The following PLSCR4 variants were observed in gnomAD, a reference collection of about 807,000 sequenced individuals.
PLSCR4 encodes Ca(2+)-dependent phospholipid scramblase 4.
A neutral mutation model predicts 36.3 loss-of-function variants in PLSCR4; 25 were observed. The observed-to-expected ratio is 0.69, with a 90% CI of 0.50 to 0.96. The LOEUF is 0.96. PLSCR4 is among the 40% of genes least tolerant of loss of function. PLSCR4 has a pLI of 0.00. For synonymous variants in PLSCR4, 122 were observed against 132.9 expected, an observed-to-expected ratio of 0.92 and a Z score of 0.56; for missense variants, 408 against 414.7, an observed-to-expected ratio of 0.98 and a Z score of 0.14.
chr3:146,205,018 G>C (rs559224122), intron 4 of PLSCR4, among the ~76,000 whole-genome samples: 1 of 152,066 alleles, frequency 6.6e-6, no homozygotes, highest in South Asian at 2.1e-4. Flanking sequence ...TATACAAATA[G>C]TTTTCAGCAC....
intron 1 of PLSCR4, among the ~76,000 whole-genome samples, chr3:146,230,615 C>G (rs916464395): frequency 5.3e-5 from 8 of 151,858 alleles, no homozygotes; most frequent in Admixed American, 2.0e-4. Flanking sequence ...TGCTGTGTAA[C>G]AGAGAGAGCG....
At chr3:146,206,135 C>A (rs1448350730) in intron 4 of PLSCR4, among the ~76,000 whole-genome samples, 3 of 151,988 alleles carry the variant, frequency 2.0e-5, no homozygotes, top group Non-Finnish European at 4.4e-5. Flanking sequence ...TGGGCTAAGG[C>A]ACTCAGTAAT....
At chr3:146,220,263 C>G (rs1055741534) in intron 3 of PLSCR4, among the ~76,000 whole-genome samples, 5 of 152,150 alleles carry the variant, frequency 3.3e-5, no homozygotes, top group Non-Finnish European at 7.3e-5. Context: ...CAAGACATCA[C>G]CAGTAGTGCA....
At chr3:146,217,772 T>A (rs2034961533) in intron 3 of PLSCR4, among the ~76,000 whole-genome samples, 1 of 152,234 alleles carries the variant, frequency 6.6e-6, no homozygotes, top group Non-Finnish European at 1.5e-5. Flanking sequence ...GTTGGGCTGG[T>A]GATCATTGAG....
chr3:146,246,714 C>A (rs1319910136), intron 1 of PLSCR4, among the ~76,000 whole-genome samples: 1 of 152,044 alleles, frequency 6.6e-6, no homozygotes, highest in Non-Finnish European at 1.5e-5. Flanking sequence ...TACAGCTAGT[C>A]TTTTAGTATT....
intron 3 of PLSCR4, among the ~76,000 whole-genome samples, chr3:146,209,371 C>T (rs1394844966): frequency 6.6e-6 from 1 of 151,968 alleles, no homozygotes; most frequent in Non-Finnish European, 1.5e-5. Flanking sequence ...CACTAAAGAA[C>T]TTACTCATAT....
In PLSCR4 at chr3:146,194,216, G is replaced by A; in HGVS notation, c.*195C>T. On this transcript the variant is annotated 3_prime_UTR_variant, in exon 9 of 9. Transcript: ENST00000354952. ...TTCAGGATGAACTCCTATTCTACTA[G>A]AGAGATACTCAATTGAAACACACTT... 1 of 566,576 alleles carries A rather than the reference G, an allele frequency of 1.8e-6. No homozygotes were observed. The highest frequency in any genetic ancestry group is 1.9e-5 in the African/African-American group (1 of 53,078). The allele number at this position is 566,576 out of a possible 1,614,324, so 35.1% of individuals were successfully genotyped here.
intron 4 of PLSCR4, among the ~76,000 whole-genome samples, chr3:146,204,967 G>T (rs565685670): frequency 6.6e-6 from 1 of 151,914 alleles, no homozygotes; most frequent in East Asian, 1.9e-4. Context: ...AAATTTTCCT[G>T]ATCCAACTGT....
chr3:146,246,548 T>C (rs2036346232), intron 1 of PLSCR4, among the ~76,000 whole-genome samples: 1 of 151,538 alleles, frequency 6.6e-6, no homozygotes, highest in African/African-American at 2.4e-5. Context: ...TTAAAGAGAA[T>C]ATCAGGTGTC....
At chr3:146,236,525 G>A (rs1482227099) in intron 1 of PLSCR4, among the ~76,000 whole-genome samples, 1 of 152,078 alleles carries the variant, frequency 6.6e-6, no homozygotes, top group Non-Finnish European at 1.5e-5. Flanking sequence ...GTGGGGGCAG[G>A]TCTTTTCTGT....
At chr3:146,240,640 C>G (rs2036110982) in intron 1 of PLSCR4, among the ~76,000 whole-genome samples, 1 of 152,116 alleles carries the variant, frequency 6.6e-6, no homozygotes, top group South Asian at 2.1e-4. Flanking sequence ...AGATACTCTT[C>G]ACACCTAGTA....
At chr3:146,215,610 T>G (rs1378126484) in intron 3 of PLSCR4, among the ~76,000 whole-genome samples, 1 of 152,202 alleles carries the variant, frequency 6.6e-6, no homozygotes, top group East Asian at 1.9e-4. Context: ...CTGCTTTTCC[T>G]TGTAATGTGT....
chr3:146,217,067 C>T (rs58858656), intron 3 of PLSCR4, among the ~76,000 whole-genome samples: 93 of 152,204 alleles, frequency 6.1e-4, no homozygotes, highest in African/African-American at 2.1e-3. Flanking sequence ...CAAGGACCAG[C>T]TTCTGTGCTT....
intron 5 of PLSCR4, among the ~76,000 whole-genome samples, 185 bp downstream of exon 5, chr3:146,200,850 G>A (rs996931262): frequency 1.3e-5 from 2 of 152,104 alleles, no homozygotes; most frequent in South Asian, 4.1e-4. Context: ...ATTATATGAT[G>A]TATAGAAGGA....
chr3:146,225,168 C>T (rs531676254), intron 1 of PLSCR4, among the ~76,000 whole-genome samples: 1 of 152,206 alleles, frequency 6.6e-6, no homozygotes, highest in African/African-American at 2.4e-5. Flanking sequence ...ACACAGGGTG[C>T]TGATTGGTGT....
At position 146,220,819 on chromosome 3, in the gene PLSCR4, T is replaced by C. The variant is rs375914143; in HGVS notation, c.114A>G (p.Leu38=). The part of the protein sequence containing the change: ...DAPPEYNSHF[L]PGPPGTAVPP... ...TTTTATGAATATTTAACCCACCTGG[T>C]AAAAAATGAGAATTGTATTCAGGAG... Residue 38 remains leucine (L), a synonymous_variant, in exon 3 of 9, where the codon TTA becomes TTG. Transcript: ENST00000354952. 1 of 1,586,384 alleles carries C rather than the reference T, an allele frequency of 6.3e-7. No individual in the cohort carries two copies. Among genetic ancestry groups the C allele is most frequent in the Non-Finnish European group, 8.7e-7 (1 of 1,156,000 alleles).
At chr3:146,206,861 A>G in intron 3 of PLSCR4, 100 bp from the exon 4 acceptor site, 5 of 730,388 alleles carry the variant, frequency 6.8e-6, no homozygotes, top group Non-Finnish European at 1.1e-5. Flanking sequence ...CCACTTAAAT[A>G]TAACAACTTG....
At chr3:146,203,608 CTA>C (rs976113926) in intron 4 of PLSCR4, among the ~76,000 whole-genome samples, 2 of 152,120 alleles carry the variant, frequency 1.3e-5, no homozygotes, top group Admixed American at 6.6e-5. Flanking sequence ...CCTTGCACTT[CTA>C]TGTTACAAAA....
chr3:146,237,227 TAAG>T (rs1370237985), intron 1 of PLSCR4, among the ~76,000 whole-genome samples: 1 of 152,064 alleles, frequency 6.6e-6, no homozygotes, highest in Non-Finnish European at 1.5e-5. Flanking sequence ...TACTGAAGAC[TAAG>T]AAGAATATTT....
Sources: allele counts gnomAD v4.1 joint callset (sites outside exome capture counted in the v4.1 genomes callset), GRCh38; gene constraint gnomAD v4.1.1; transcripts MANE v1.5; gene names NCBI Gene and HGNC (gene_info 2026-07-23, HGNC 2026-07-21).